COL14A1: variants seen among roughly 807,000 people sequenced by gnomAD.
COL14A1 encodes collagen type XIV alpha 1 chain, also known as collagen alpha-1(XIV) chain.
COL14A1 carries 136 observed loss-of-function variants against 230.3 expected under a neutral mutation model. The ratio of observed to expected loss-of-function variants is 0.59; its 90% CI spans 0.51 to 0.68. COL14A1 has a LOEUF of 0.68. Ranked by LOEUF, COL14A1 falls within the 30% of genes least tolerant of loss-of-function variation. The pLI is 0.00. For missense variants in COL14A1, 1,976 were observed against 2,215.8 expected, an observed-to-expected ratio of 0.89 and a Z score of 2.17; for synonymous variants, 792 against 784.1, an observed-to-expected ratio of 1.01 and a Z score of -0.17.
chr8:120,203,800 G>A lies in COL14A1; in HGVS notation c.969G>A (p.Met323Ile). The A allele has an allele frequency of 6.2e-7, 1 of 1,613,998 alleles. No homozygotes were observed. Among genetic ancestry groups the A allele is most frequent in the Non-Finnish European group, 8.5e-7 (1 of 1,179,918 alleles). ...HVYNVAEFDL[M>I]HTVVESLTRT... Reference sequence around the variant, plus strand: ...ACAATGTTGCCGAATTCGATCTGATGCACACAGTTGTGGAGAGTCTGACCA... The same window carrying A: ...ACAATGTTGCCGAATTCGATCTGATACACACAGTTGTGGAGAGTCTGACCA... The change falls in exon 9 of 48, where the codon ATG (methionine) becomes ATA (isoleucine). Residue 323 changes from methionine to isoleucine, a missense_variant. Physicochemically the swap from Met to Ile is conservative, Grantham distance 10. Coordinates refer to ENST00000297848, the MANE Select transcript of COL14A1 (RefSeq NM_021110.4).
At position 120,204,622 on chromosome 8, in the gene COL14A1, T is replaced by A. The variant is rs116135978; in HGVS notation, c.1039+752T>A. Among the ~76,000 whole-genome samples, 830 of 152,344 alleles carry A rather than the reference T, an allele frequency of 5.4e-3. 7 individuals are homozygous for A. The highest frequency in any genetic ancestry group is 0.017 in the Middle Eastern group (5 of 294). On this transcript the variant is annotated intron_variant, in intron 9 of 47. Coordinates refer to ENST00000297848, the MANE Select transcript of COL14A1 (RefSeq NM_021110.4). ...AGCCTTTGGCTATGATGAATCAAGC[T>A]GCTGTGAATGTTCATGTGGAGGTTC... is the stretch of plus-strand genomic sequence containing the variant.
intron 18 of COL14A1, among the ~76,000 whole-genome samples, chr8:120,229,088 C>CTTTTT (rs1818182259): frequency 1.4e-5 from 1 of 72,936 alleles, no homozygotes; most frequent in Non-Finnish European, 2.6e-5. Context: ...TTTTTTTTTT[C>CTTTTT]TTTTTATTTT....
chr8:120,254,554 A>G (rs1006203), intron 22 of COL14A1, among the ~76,000 whole-genome samples: 23,173 of 152,094 alleles, frequency 0.15, 2,109 homozygotes, highest in East Asian at 0.38. Flanking sequence ...TTTTTATTAT[A>G]CAAGTATTAC....
intron 42 of COL14A1, among the ~76,000 whole-genome samples, chr8:120,337,704 G>A (rs150647672): frequency 5.1e-4 from 77 of 152,294 alleles, no homozygotes; most frequent in African/African-American, 1.7e-3. Flanking sequence ...TTAAAGGAAA[G>A]TGTGCCACTT....
intron 4 of COL14A1, among the ~76,000 whole-genome samples, chr8:120,167,800 C>T (rs1815958593): frequency 6.6e-6 from 1 of 152,122 alleles, no homozygotes; most frequent in South Asian, 2.1e-4. Context: ...TAACCCCATG[C>T]CAGCACTTAA....
intron 34 of COL14A1, among the ~76,000 whole-genome samples, chr8:120,296,114 T>C (rs890765305): frequency 6.6e-6 from 1 of 151,854 alleles, no homozygotes; most frequent in Middle Eastern, 3.2e-3. Flanking sequence ...GTTTGTTTGT[T>C]TGCCCTGGAC....
chr8:120,177,652 C>CAAAAAAA (rs60652647), intron 5 of COL14A1, among the ~76,000 whole-genome samples: 3 of 82,812 alleles, frequency 3.6e-5, no homozygotes, highest in African/African-American at 4.7e-5. Flanking sequence ...TTGCCTGCTT[C>CAAAAAAA]AAAAAAAAAA....
chr8:120,247,655 G>A lies in COL14A1; in HGVS notation c.2522G>A (p.Trp841Ter). The A allele has an allele frequency of 6.2e-7, 1 of 1,614,140 alleles. No individual in the cohort carries two copies. Among genetic ancestry groups the A allele is most frequent in the South Asian group, 1.1e-5 (1 of 91,074 alleles). Reference protein sequence around the residue: ...GPQNLRVSEEWYNRLRITWDP... With the variant: ...GPQNLRVSEE ...CAGAACTTGCGGGTGTCCGAGGAATGGTATAACCGGTTGCGCATTACGTGG... is the reference window on the plus strand; with the variant it reads ...CAGAACTTGCGGGTGTCCGAGGAATAGTATAACCGGTTGCGCATTACGTGG... The change falls in exon 21 of 48, where the codon TGG (tryptophan) becomes TAG (stop). Residue 841 changes from tryptophan (W) to a stop codon, truncating the protein, a stop_gained. Coordinates refer to ENST00000297848, the MANE Select transcript of COL14A1 (RefSeq NM_021110.4). LOFTEE classifies it high-confidence loss of function.
chr8:120,199,132 A>G (rs1035621415), intron 7 of COL14A1, among the ~76,000 whole-genome samples: 1 of 152,160 alleles, frequency 6.6e-6, no homozygotes, highest in African/African-American at 2.4e-5. Context: ...CATGAAATCT[A>G]TTATCATCCA....
chr8:120,187,909 A>G (rs1031919248), intron 5 of COL14A1, among the ~76,000 whole-genome samples: 1 of 152,120 alleles, frequency 6.6e-6, no homozygotes, highest in African/African-American at 2.4e-5. Context: ...GTGGAGACAC[A>G]TTACTTGGGT....
At chr8:120,353,711 G>C (rs2130330327) in intron 45 of COL14A1, among the ~76,000 whole-genome samples, 1 of 150,286 alleles carries the variant, frequency 6.7e-6, no homozygotes, top group East Asian at 2.0e-4. Flanking sequence ...ACACCAGTTA[G>C]AATGGTAATC....
chr8:120,319,003 AAC>A (rs1821337214), intron 40 of COL14A1, among the ~76,000 whole-genome samples: 1 of 152,186 alleles, frequency 6.6e-6, no homozygotes, highest in Non-Finnish European at 1.5e-5. Context: ...AGGAAGCTGC[AAC>A]AGACATTTTC....
At chr8:120,238,821 C>T (rs1010287705) in intron 19 of COL14A1, among the ~76,000 whole-genome samples, 6 of 152,152 alleles carry the variant, frequency 3.9e-5, no homozygotes, top group Admixed American at 2.0e-4. Flanking sequence ...CTCTGTCCCT[C>T]ATGGCGTGGT....
At chr8:120,252,680 G>T (rs1457184299) in intron 22 of COL14A1, among the ~76,000 whole-genome samples, 1 of 152,168 alleles carries the variant, frequency 6.6e-6, no homozygotes, top group Admixed American at 6.5e-5. Flanking sequence ...GAGAAAAAAT[G>T]TATGTAACGT....
intron 33 of COL14A1, among the ~76,000 whole-genome samples, 188 bp from the exon 34 acceptor site, chr8:120,289,420 A>G (rs1447462228): frequency 6.6e-5 from 10 of 152,176 alleles, no homozygotes; most frequent in Non-Finnish European, 1.5e-4. Context: ...AAAAATAGAG[A>G]TGGTACTTGA....
chr8:120,221,560 G>GCACACACACACA (rs142408225), intron 14 of COL14A1, among the ~76,000 whole-genome samples: 32 of 149,292 alleles, frequency 2.1e-4, no homozygotes, highest in Admixed American at 5.3e-4. Context: ...ACACACACAT[G>GCACACACACACA]CACACACACA....
intron 18 of COL14A1, among the ~76,000 whole-genome samples, chr8:120,228,996 C>T (rs1818177053): frequency 6.6e-6 from 1 of 151,998 alleles, no homozygotes; most frequent in Non-Finnish European, 1.5e-5. Flanking sequence ...ATCACTCTAC[C>T]TCTTTCATCT....
At chr8:120,207,145 T>C (rs1372400083) in intron 10 of COL14A1, 51 bp downstream of exon 10, 1 of 1,461,578 alleles carries the variant, frequency 6.8e-7, no homozygotes, top group Admixed American at 2.1e-5. Flanking sequence ...TCTCAAGTCT[T>C]CTACAATAGT....
chr8:120,264,560 CCATATGT>C (rs148722519), intron 24 of COL14A1, among the ~76,000 whole-genome samples: 1 of 152,226 alleles, frequency 6.6e-6, no homozygotes, highest in East Asian at 1.9e-4. Flanking sequence ...GCTTTTCAAC[CCATATGT>C]CATCTAGCAA....
Sources: allele counts gnomAD v4.1 joint callset (sites outside exome capture counted in the v4.1 genomes callset), GRCh38; gene constraint gnomAD v4.1.1; transcripts MANE v1.5; gene names NCBI Gene and HGNC (gene_info 2026-07-23, HGNC 2026-07-21).